The following KDM4C variants were observed in gnomAD, a reference collection of about 807,000 sequenced individuals.
KDM4C encodes lysine demethylase 4C.
Under a neutral mutation model 129.3 loss-of-function variants are expected in KDM4C, and 81 were observed. That is an observed-to-expected ratio of 0.63 (90% CI 0.52 to 0.75). The LOEUF (loss-of-function observed/expected upper bound fraction) is 0.75, where lower values mean the gene tolerates loss of function less well. Among genes scored for constraint, KDM4C ranks in the 30% least tolerant of loss-of-function variants. The pLI, the probability that KDM4C is intolerant of heterozygous loss-of-function variation, is 0.00. For missense variants in KDM4C, 1,457 were observed against 1,304.0 expected, an observed-to-expected ratio of 1.12 and a Z score of -1.81; for synonymous variants, 573 against 456.1, an observed-to-expected ratio of 1.26 and a Z score of -3.26.
intron 18 of KDM4C, among the ~76,000 whole-genome samples, chr9:7,107,352 T>A (rs1013986056): frequency 1.3e-5 from 2 of 152,218 alleles, no homozygotes; most frequent in Non-Finnish European, 2.9e-5. Flanking sequence ...AAACAAATAG[T>A]CAGCTACCTA....
At chr9:6,835,287 G>A (rs1010042457) in intron 4 of KDM4C, 64 of 910,464 alleles carry the variant, frequency 7.0e-5, no homozygotes, top group Admixed American at 1.4e-4. Flanking sequence ...AAACTACCTT[G>A]AACTCCATTA....
intron 2 of KDM4C, among the ~76,000 whole-genome samples, chr9:6,805,041 C>A (rs1415004027): frequency 6.6e-6 from 1 of 152,040 alleles, no homozygotes; most frequent in African/African-American, 2.4e-5. Context: ...GCTGGGACTA[C>A]AGGTGCGTGC....
intron 4 of KDM4C, among the ~76,000 whole-genome samples, chr9:6,816,850 CT>C (rs35206146): frequency 1.7e-4 from 25 of 145,936 alleles, no homozygotes; most frequent in Admixed American, 2.0e-4. Flanking sequence ...TTTTCTTTTT[CT>C]TTTTTTTTTG....
At chr9:7,016,878 T>C (rs952740265) in intron 15 of KDM4C, among the ~76,000 whole-genome samples, 2 of 152,274 alleles carry the variant, frequency 1.3e-5, no homozygotes, top group Admixed American at 6.5e-5. Flanking sequence ...GTATTTCAAG[T>C]AACAGTCAAG....
At chr9:7,127,381 C>T (rs1278329886) in intron 18 of KDM4C, among the ~76,000 whole-genome samples, 1 of 152,106 alleles carries the variant, frequency 6.6e-6, no homozygotes, top group Non-Finnish European at 1.5e-5. Flanking sequence ...CATCATGTGC[C>T]TTCAGAATAT....
chr9:7,076,493 C>T, intron 17 of KDM4C: 1 of 1,549,634 alleles, frequency 6.5e-7, no homozygotes, highest in South Asian at 1.2e-5. Context: ...AATGAAGGCT[C>T]ACTGTGAAAA....
intron 8 of KDM4C, among the ~76,000 whole-genome samples, chr9:6,923,162 T>TG (rs1821846637): frequency 6.6e-6 from 1 of 152,112 alleles, no homozygotes; most frequent in Non-Finnish European, 1.5e-5. Flanking sequence ...CCACTTCACC[T>TG]GGGGGCCGAG....
At chr9:7,110,602 C>T (rs1838214261) in intron 18 of KDM4C, among the ~76,000 whole-genome samples, 3 of 152,166 alleles carry the variant, frequency 2.0e-5, no homozygotes, top group African/African-American at 7.2e-5. Context: ...CGCTTGGATC[C>T]ACAGCCTGAT....
chr9:7,001,495 A>G (rs1820711020), intron 12 of KDM4C, among the ~76,000 whole-genome samples: 1 of 152,210 alleles, frequency 6.6e-6, no homozygotes, highest in Non-Finnish European at 1.5e-5. Context: ...CATGTAATGT[A>G]TTTTGAAGGG....
intron 8 of KDM4C, among the ~76,000 whole-genome samples, chr9:6,898,345 G>C (rs866210475): frequency 1.3e-5 from 2 of 152,066 alleles, no homozygotes; most frequent in Non-Finnish European, 2.9e-5. Flanking sequence ...GTCATATCTC[G>C]TTTATACCGT....
At chr9:6,889,759 G>A (rs1193612317) in intron 7 of KDM4C, among the ~76,000 whole-genome samples, 1 of 152,256 alleles carries the variant, frequency 6.6e-6, no homozygotes, top group South Asian at 2.1e-4. Context: ...TTTGGGGCTG[G>A]TGTTAGGTGT....
chr9:6,942,152 A>C (rs557327782), intron 8 of KDM4C, among the ~76,000 whole-genome samples: 1 of 152,334 alleles, frequency 6.6e-6, no homozygotes, highest in South Asian at 2.1e-4. Flanking sequence ...GTAGCAGAGC[A>C]ATAACTTTAA....
chr9:6,751,410 C>A (rs749813155), intron 1 of KDM4C, among the ~76,000 whole-genome samples: 1 of 152,006 alleles, frequency 6.6e-6, no homozygotes, highest in African/African-American at 2.4e-5. Context: ...TGCACCACTG[C>A]GCTCCAGCCT....
At chr9:6,814,886 A>G (rs906990301) in intron 4 of KDM4C, 141 bp downstream of exon 4, 1 of 457,040 alleles carries the variant, frequency 2.2e-6, no homozygotes, top group South Asian at 6.1e-5. Flanking sequence ...AATATTCATC[A>G]GTAGGATTTC....
intron 8 of KDM4C, among the ~76,000 whole-genome samples, chr9:6,898,668 A>G (rs952408651): frequency 1.3e-5 from 2 of 152,168 alleles, no homozygotes; most frequent in African/African-American, 4.8e-5. Context: ...ATTTCCCTTT[A>G]ATCTGGCAGG....
intron 4 of KDM4C, among the ~76,000 whole-genome samples, chr9:6,838,509 T>C (rs747638370): frequency 1.3e-5 from 2 of 152,146 alleles, no homozygotes; most frequent in Non-Finnish European, 2.9e-5. Context: ...AGTCTCAAGC[T>C]CACTGCAGTC....
intron 6 of KDM4C, among the ~76,000 whole-genome samples, chr9:6,884,537 C>T (rs1382641746): frequency 6.6e-6 from 1 of 152,090 alleles, no homozygotes; most frequent in Non-Finnish European, 1.5e-5. Flanking sequence ...CACGATAAAA[C>T]TTCATCAAAG....
intron 5 of KDM4C, among the ~76,000 whole-genome samples, chr9:6,856,310 A>C (rs1032500918): frequency 1.3e-5 from 2 of 152,186 alleles, no homozygotes; most frequent in African/African-American, 4.8e-5. Flanking sequence ...AATATGTTCT[A>C]ATTTCAAATG....
At chr9:7,170,769 T>G in intron 21 of KDM4C, 1 of 983,622 alleles carries the variant, frequency 1.0e-6, no homozygotes, top group Non-Finnish European at 1.2e-6. Flanking sequence ...AGTGATAGAG[T>G]CACTATAGAT....
Sources: allele counts gnomAD v4.1 joint callset (sites outside exome capture counted in the v4.1 genomes callset), GRCh38; gene constraint gnomAD v4.1.1; transcripts MANE v1.5; gene names NCBI Gene and HGNC (gene_info 2026-07-23, HGNC 2026-07-21).